Variants in PDGFD observed in about 807,000 individuals in gnomAD.
PDGFD encodes platelet-derived growth factor D.
Under a neutral mutation model 44.7 loss-of-function variants are expected in PDGFD, and 30 were observed. The ratio of observed to expected loss-of-function variants is 0.67; its 90% CI spans 0.50 to 0.91. The LOEUF is 0.91. Ranked by LOEUF, PDGFD falls within the 40% of genes least tolerant of loss-of-function variation. The pLI is 0.00. For synonymous variants in PDGFD, 173 were observed against 168.4 expected (o/e 1.03, Z -0.21); for missense variants, 445 against 457.8 (o/e 0.97, Z 0.25).
intron 3 of PDGFD, among the ~76,000 whole-genome samples, chr11:103,991,331 C>G (rs1859448977): frequency 6.6e-6 from 1 of 151,996 alleles, no homozygotes; most frequent in South Asian, 2.1e-4. Flanking sequence ...CCTTCTCCTC[C>G]TCCCTTCTCC....
intron 6 of PDGFD, among the ~76,000 whole-genome samples, chr11:103,915,288 T>C (rs1452328250): frequency 6.6e-6 from 1 of 152,164 alleles, no homozygotes; most frequent in Admixed American, 6.5e-5. Flanking sequence ...TCACAAGCAT[T>C]CTTATACGCC....
chr11:104,110,750 C>T lies in PDGFD; in HGVS notation c.124+53054G>A, dbSNP rs550078505. Among the ~76,000 whole-genome samples, 11 of 152,144 alleles carry T rather than the reference C, an allele frequency of 7.2e-5. No individual in the cohort carries two copies. In the South Asian group the frequency reaches 2.3e-3, roughly 32 times the overall value. On this transcript the variant is annotated intron_variant, in intron 1 of 6. Transcript: ENST00000393158. ...TGATGTTACTGAGCTCTGACCGTGG[C>T]TTGGTGATGGCAGCACCTAGGAGGT...
chr11:103,988,489 A>C (rs1363535167), intron 3 of PDGFD, among the ~76,000 whole-genome samples: 1 of 152,190 alleles, frequency 6.6e-6, no homozygotes, highest in Non-Finnish European at 1.5e-5. Context: ...TATTTCAAAC[A>C]CTGCTTGTGT....
rs140727572 is a variant in PDGFD, at chr11:104,037,640, C to A, written c.125-37385G>T. The A allele has an allele frequency of 4.3e-6, 7 of 1,613,922 alleles. No individual in the cohort carries two copies. In the African/African-American group the frequency reaches 8.0e-5, roughly 18 times the overall value. On this transcript the variant is annotated intron_variant, in intron 1 of 6. Transcript: ENST00000393158. ...ATGACCATTATGAGCCAGGCTTGTG[C>A]CGAGCGATGTAACATCATGAGGCTG... is the stretch of plus-strand genomic sequence containing the variant.
intron 6 of PDGFD, among the ~76,000 whole-genome samples, chr11:103,920,193 T>G (rs1261708066): frequency 6.6e-6 from 1 of 152,182 alleles, no homozygotes; most frequent in Non-Finnish European, 1.5e-5. Flanking sequence ...TGGGTTATAG[T>G]GGGAGTTTAT....
chr11:104,141,502 T>C (rs968150555), intron 1 of PDGFD, among the ~76,000 whole-genome samples: 7 of 152,028 alleles, frequency 4.6e-5, no homozygotes, highest in Non-Finnish European at 5.9e-5. Flanking sequence ...TTTCCACTTA[T>C]TAGCTCACTG....
chr11:103,955,959 C>T (rs1858838539), intron 3 of PDGFD, among the ~76,000 whole-genome samples: 1 of 151,820 alleles, frequency 6.6e-6, no homozygotes, highest in Non-Finnish European at 1.5e-5. Flanking sequence ...AATCTTGGTG[C>T]TAGTGTCAAG....
At chr11:104,079,029 T>C (rs1861007517) in intron 1 of PDGFD, among the ~76,000 whole-genome samples, 1 of 152,222 alleles carries the variant, frequency 6.6e-6, no homozygotes, top group African/African-American at 2.4e-5. Context: ...AAAATATAAC[T>C]GGTTAAATTG....
In PDGFD at chr11:104,128,243, C is replaced by A. The variant is rs574183985; in HGVS notation, c.124+35561G>T. Among the ~76,000 whole-genome samples the A allele has an allele frequency of 2.6e-5, 4 of 151,966 alleles. No homozygotes were observed. The East Asian group carries it at 7.8e-4, about 29-fold the overall frequency. On this transcript the variant is annotated intron_variant, in intron 1 of 6. Coordinates refer to ENST00000393158, the MANE Select transcript of PDGFD (RefSeq NM_025208.5). ...AAAAATGTGGAATAGGTGAGTCATA[C>A]CTTAGTAAAGGATATGCCACCTTGA...
rs773440475 is a variant in PDGFD at position 103,909,647 on chromosome 11, TA to T, written c.*46del. 1.2e-6 allele frequency: 2 copies of T among 1,609,982 alleles called. No homozygotes were observed. The highest frequency in any genetic ancestry group is 2.2e-5 in the South Asian group (2 of 90,904). The stretch of plus-strand genomic sequence containing the variant: ...AAAGGGTCTCTTATCTCACCCTCCT[TA>T]AACTAAAGGTTCTTTCAGGCTTAAT... On this transcript the variant is annotated 3_prime_UTR_variant, in exon 7 of 7. Transcript: ENST00000393158.
chr11:104,061,445 G>T (rs1860715911), intron 1 of PDGFD, among the ~76,000 whole-genome samples: 1 of 152,004 alleles, frequency 6.6e-6, no homozygotes, highest in African/African-American at 2.4e-5. Context: ...AAATCGGGAG[G>T]GAGCGGGCAA....
intron 1 of PDGFD, among the ~76,000 whole-genome samples, chr11:104,091,794 T>C (rs1861215947): frequency 6.6e-6 from 1 of 152,170 alleles, no homozygotes; most frequent in African/African-American, 2.4e-5. Flanking sequence ...CTACACCTCA[T>C]TGCAAAAATG....
intron 1 of PDGFD, among the ~76,000 whole-genome samples, chr11:104,133,459 A>G (rs567439863): frequency 1.3e-5 from 2 of 152,270 alleles, no homozygotes; most frequent in East Asian, 3.9e-4. Flanking sequence ...TCCAGCTTCT[A>G]AACTAAGGAG....
chr11:104,023,152 A>G (rs1268068420), intron 1 of PDGFD, among the ~76,000 whole-genome samples: 1 of 152,152 alleles, frequency 6.6e-6, no homozygotes, highest in African/African-American at 2.4e-5. Flanking sequence ...TGCTATAACT[A>G]TGACCTTGAG....
chr11:104,059,396 A>G (rs1387186085), intron 1 of PDGFD, among the ~76,000 whole-genome samples: 1 of 152,226 alleles, frequency 6.6e-6, no homozygotes, highest in Non-Finnish European at 1.5e-5. Flanking sequence ...ATTCTTAAAT[A>G]TCTTTATATC....
rs1471868365 is a variant in PDGFD, at chr11:103,943,369, A to G, written c.772+83T>C. On this transcript the variant is annotated intron_variant, in intron 5 of 6. Coordinates refer to ENST00000393158, the MANE Select transcript of PDGFD (RefSeq NM_025208.5). Reference sequence around the variant, plus strand: ...AAAATCCAAAAGACTTCTGGTTTCAAATACTTTGGATAAGGGATACTCAGC... The same window carrying G: ...AAAATCCAAAAGACTTCTGGTTTCAGATACTTTGGATAAGGGATACTCAGC... 4 of 1,330,382 alleles carry G rather than the reference A, an allele frequency of 3.0e-6. No individual in the cohort carries two copies. In the South Asian group the frequency reaches 5.5e-5, roughly 18 times the overall value. The allele number at this position is 1,330,382 out of a possible 1,614,324, so 82.4% of individuals were successfully genotyped here.
chr11:103,927,796 T>C (rs1591080133), intron 5 of PDGFD, among the ~76,000 whole-genome samples: 1 of 152,338 alleles, frequency 6.6e-6, no homozygotes, highest in Non-Finnish European at 1.5e-5. Flanking sequence ...AATCACATCA[T>C]GGCTATGTTT....
At chr11:103,994,561 G>A (rs1859506950) in intron 3 of PDGFD, among the ~76,000 whole-genome samples, 1 of 151,970 alleles carries the variant, frequency 6.6e-6, no homozygotes, top group Non-Finnish European at 1.5e-5. Flanking sequence ...ATAATGCAAA[G>A]AAAACCAATT....
In PDGFD at chr11:103,922,765, TG is replaced by T. The variant is rs543802158; in HGVS notation, c.987+4146del. Among the ~76,000 whole-genome samples the T allele has an allele frequency of 1.4e-4, 22 of 151,938 alleles. No individual in the cohort carries two copies. In the South Asian group the frequency reaches 3.5e-3, roughly 24 times the overall value. On this transcript the variant is annotated intron_variant, in intron 6 of 6. Coordinates refer to ENST00000393158, the MANE Select transcript of PDGFD (RefSeq NM_025208.5). ...TATTTATTTATTTTTTTTTTAGAGA[TG>T]GGGGGGTCTCGCTATGTTGACCCGG...
Sources: allele counts gnomAD v4.1 joint callset (sites outside exome capture counted in the v4.1 genomes callset), GRCh38; gene constraint gnomAD v4.1.1; transcripts MANE v1.5; gene names NCBI Gene and HGNC (gene_info 2026-07-23, HGNC 2026-07-21).